The following PSMA3 variants were observed in gnomAD, a reference collection of about 807,000 sequenced individuals.
The protein encoded by PSMA3 is proteasome 20S subunit alpha 3.
In PSMA3, 8 loss-of-function variants were observed where a neutral mutation model predicts 40.0. The observed-to-expected ratio is 0.20, with a 90% CI of 0.12 to 0.36. The LOEUF (loss-of-function observed/expected upper bound fraction) is 0.36. PSMA3 is among the 10% of genes least tolerant of loss of function. PSMA3 has a pLI of 1.00. For synonymous variants in PSMA3, 110 were observed against 100.0 expected (o/e 1.10, Z -0.59); for missense variants, 219 against 310.6 (o/e 0.70, Z 2.22).
At chr14:58,258,035 G>GTAC (rs1332761077) in intron 5 of PSMA3, 37 bp downstream of exon 5, 1 of 1,468,138 alleles carries the variant, frequency 6.8e-7, no homozygotes, top group African/African-American at 1.4e-5. Context: ...AGGCAGATCT[G>GTAC]TACTATAGAT....
At chr14:58,257,033 C>T (rs968057983) in intron 3 of PSMA3, among the ~76,000 whole-genome samples, 1 of 140,398 alleles carries the variant, frequency 7.1e-6, no homozygotes, top group Non-Finnish European at 1.5e-5. Context: ...ACCTGAGAGG[C>T]AAAGGTTGAA....
At chr14:58,268,422 C>T (rs1208481716) in intron 8 of PSMA3, among the ~76,000 whole-genome samples, 1 of 152,076 alleles carries the variant, frequency 6.6e-6, no homozygotes, top group Non-Finnish European at 1.5e-5. Context: ...ATACTATTTA[C>T]ATCACACTCA....
intron 5 of PSMA3, 80 bp from the exon 6 acceptor site, chr14:58,260,867 TA>T: frequency 9.9e-7 from 1 of 1,011,560 alleles, no homozygotes; most frequent in Non-Finnish European, 1.5e-6. Context: ...AAAGAAAATA[TA>T]ACTGCATTTT....
chr14:58,263,470 T>C, intron 6 of PSMA3: 1 of 365,350 alleles, frequency 2.7e-6, no homozygotes, highest in South Asian at 4.9e-5. Context: ...GATTACATAA[T>C]TTACATATTT....
intron 5 of PSMA3, 76 bp from the exon 6 acceptor site, chr14:58,260,872 G>A: frequency 9.5e-7 from 1 of 1,058,164 alleles, no homozygotes; most frequent in Non-Finnish European, 1.4e-6. Flanking sequence ...AAATATAACT[G>A]CATTTTAAAA....
At chr14:58,267,398 G>C in intron 7 of PSMA3, 76 bp from the exon 8 acceptor site, 1 of 1,375,692 alleles carries the variant, frequency 7.3e-7, no homozygotes, top group South Asian at 2.0e-5. Flanking sequence ...TTATATCTGA[G>C]TATAAAAGTG....
intron 1 of PSMA3, chr14:58,245,387 CTG>C (rs953591225): frequency 4.2e-5 from 8 of 188,656 alleles, no homozygotes; most frequent in African/African-American, 1.8e-4. Context: ...CAGGCCTTCT[CTG>C]TCTTTAAGTG....
intron 5 of PSMA3, among the ~76,000 whole-genome samples, chr14:58,259,182 A>G (rs1890213929): frequency 6.6e-6 from 1 of 152,196 alleles, no homozygotes; most frequent in African/African-American, 2.4e-5. Context: ...GTTAAATTAC[A>G]TTATGAAACA....
At chr14:58,270,856 G>A in intron 9 of PSMA3, 78 bp from the exon 10 acceptor site, 2 of 1,216,312 alleles carry the variant, frequency 1.6e-6, no homozygotes, top group Non-Finnish European at 1.2e-6. Flanking sequence ...TGTGGATTGG[G>A]TAGATCCTAT....
chr14:58,245,279 C>G (rs777833472), intron 1 of PSMA3: 9 of 302,716 alleles, frequency 3.0e-5, no homozygotes, highest in Admixed American at 8.5e-5. Context: ...AGTGTGTTCT[C>G]TTGAGAACCA....
At chr14:58,256,287 C>T (rs1890143212) in intron 3 of PSMA3, among the ~76,000 whole-genome samples, 1 of 152,092 alleles carries the variant, frequency 6.6e-6, no homozygotes, top group Admixed American at 6.5e-5. Flanking sequence ...GAGTATCTCT[C>T]GTCTAAAATG....
At chr14:58,260,138 G>T (rs1354624386) in intron 5 of PSMA3, among the ~76,000 whole-genome samples, 1 of 152,140 alleles carries the variant, frequency 6.6e-6, no homozygotes, top group Non-Finnish European at 1.5e-5. Context: ...GTATTTGTGG[G>T]GGATTGGTTT....
chr14:58,252,088 T>TA, intron 2 of PSMA3, 31 bp from the exon 3 acceptor site: 2 of 1,566,416 alleles, frequency 1.3e-6, no homozygotes, highest in Non-Finnish European at 1.7e-6. Flanking sequence ...TATTTTCAGT[T>TA]AAAAAACTGA....
At position 58,264,323 on chromosome 14, in the gene PSMA3, T is replaced by C. The variant is rs573243126; in HGVS notation, c.543+553T>C. ...ATGTCTGGCTGTGCTCCACCGGTTC[T>C]CTTAGCTTTGCTCCTAGCCAGGTAA... On this transcript the variant is annotated intron_variant, in intron 7 of 10. Transcript: ENST00000216455. 2.6e-5 allele frequency among the ~76,000 whole-genome samples: 4 copies of C among 152,350 alleles called. No individual in the cohort carries two copies. In the East Asian group the frequency reaches 7.7e-4, roughly 29 times the overall value.
chr14:58,260,058 C>T (rs981271120), intron 5 of PSMA3, among the ~76,000 whole-genome samples: 1 of 152,040 alleles, frequency 6.6e-6, no homozygotes, highest in Admixed American at 6.6e-5. Context: ...TAAAATATTC[C>T]GCATATAAGA....
Position 58,263,531 on chromosome 14 carries a change from T to C in PSMA3, c.478-174T>C, listed in dbSNP as rs905035074. On this transcript the variant is annotated intron_variant, in intron 6 of 10. Transcript: ENST00000216455. ...AGGTTGTTTTGGAATTGTTTGGTAT[T>C]TTAGTATTTTTGAGCCCTTTGGCAT... The C allele has an allele frequency of 1.7e-5, 8 of 473,950 alleles. No individual in the cohort carries two copies. In the East Asian group the frequency reaches 2.7e-4, roughly 16 times the overall value. The allele number at this position is 473,950 out of a possible 1,614,324, so 29.4% of individuals were successfully genotyped here.
chr14:58,264,095 T>C (rs184915245), intron 7 of PSMA3, among the ~76,000 whole-genome samples: 92 of 152,276 alleles, frequency 6.0e-4, no homozygotes, highest in African/African-American at 1.9e-3. Context: ...ATCTGTAGAG[T>C]TGTGTTATAC....
In PSMA3 at chr14:58,257,815, G is replaced by T; in HGVS notation, c.299G>T (p.Arg100Ile). 3 of 1,613,412 alleles carry T rather than the reference G, an allele frequency of 1.9e-6. No individual in the cohort carries two copies. The highest frequency in any genetic ancestry group is 2.5e-6 in the Non-Finnish European group (3 of 1,179,566). Reference sequence around the variant, plus strand: ...GCAAGAGAAGAAGCTTCCAACTTCAGATCTAACTTTGGCTACAACATTCCA... The same window carrying T: ...GCAAGAGAAGAAGCTTCCAACTTCATATCTAACTTTGGCTACAACATTCCA... ...DIAREEASNF[R>I]SNFGYNIPLK... The change falls in exon 4 of 11, where the codon AGA becomes ATA. Residue 100 changes from arginine to isoleucine, a missense_variant. Physicochemically the swap from Arg to Ile is moderately conservative, Grantham distance 97. Coordinates refer to ENST00000216455, the MANE Select transcript of PSMA3 (RefSeq NM_002788.4).
intron 6 of PSMA3, among the ~76,000 whole-genome samples, chr14:58,262,910 G>T (rs1308974891): frequency 6.6e-6 from 1 of 150,712 alleles, no homozygotes; most frequent in Non-Finnish European, 1.5e-5. Context: ...TTACATTTTT[G>T]TCGTTTTTAC....
Sources: allele counts gnomAD v4.1 joint callset (sites outside exome capture counted in the v4.1 genomes callset), GRCh38; gene constraint gnomAD v4.1.1; transcripts MANE v1.5; gene names NCBI Gene and HGNC (gene_info 2026-07-23, HGNC 2026-07-21).